The following TTLL5 variants were observed in gnomAD, a reference collection of about 807,000 sequenced individuals.
TTLL5 encodes tubulin tyrosine ligase like 5, also known as tubulin polyglutamylase TTLL5.
Under a neutral mutation model 168.4 loss-of-function variants are expected in TTLL5, and 132 were observed. The observed-to-expected ratio is 0.78, with a 90% CI of 0.68 to 0.91. The LOEUF (loss-of-function observed/expected upper bound fraction) is 0.91, where lower values mean the gene tolerates loss of function less well. TTLL5 is among the 40% of genes least tolerant of loss of function. The pLI is 0.00. For synonymous variants in TTLL5, 546 were observed against 558.6 expected (o/e 0.98, Z 0.32); for missense variants, 1,545 against 1,581.5 (o/e 0.98, Z 0.39).
intron 30 of TTLL5, among the ~76,000 whole-genome samples, chr14:75,894,887 CTT>C (rs2032576836): frequency 6.6e-6 from 1 of 152,066 alleles, no homozygotes; most frequent in African/African-American, 2.4e-5. Flanking sequence ...CTTGTATGCA[CTT>C]AACATCATAA....
chr14:75,737,472 T>C, intron 15 of TTLL5: 1 of 1,311,268 alleles, frequency 7.6e-7, no homozygotes, highest in Non-Finnish European at 1.0e-6. Context: ...TTGGAGATTA[T>C]TTTTTCCTTT....
At chr14:75,769,113 T>A (rs1333530838) in intron 20 of TTLL5, among the ~76,000 whole-genome samples, 2 of 152,216 alleles carry the variant, frequency 1.3e-5, no homozygotes, top group Non-Finnish European at 2.9e-5. Context: ...GCAATAACAT[T>A]CTGCTTAGTT....
At chr14:75,937,931 A>G (rs1488583120) in intron 31 of TTLL5, among the ~76,000 whole-genome samples, 1 of 152,176 alleles carries the variant, frequency 6.6e-6, no homozygotes, top group Non-Finnish European at 1.5e-5. Flanking sequence ...AGGAACCACC[A>G]TCCTGCTTTC....
intron 28 of TTLL5, among the ~76,000 whole-genome samples, chr14:75,833,949 G>A (rs1211929280): frequency 1.3e-5 from 2 of 152,160 alleles, no homozygotes; most frequent in African/African-American, 4.8e-5. Context: ...CCCAGATAGA[G>A]GCATGTTCAT....
At chr14:75,696,573 T>C (rs1380898124) in intron 6 of TTLL5, among the ~76,000 whole-genome samples, 2 of 152,252 alleles carry the variant, frequency 1.3e-5, no homozygotes, top group East Asian at 1.9e-4. Flanking sequence ...TTTTTTGTCA[T>C]ATATAACTAT....
chr14:75,829,782 G>A (rs1895461095), intron 28 of TTLL5, among the ~76,000 whole-genome samples: 1 of 152,156 alleles, frequency 6.6e-6, no homozygotes, highest in Non-Finnish European at 1.5e-5. Flanking sequence ...AGATATTTAA[G>A]GTATTTGCAG....
At chr14:75,878,990 TAA>T (rs61124448) in intron 29 of TTLL5, among the ~76,000 whole-genome samples, 2 of 152,122 alleles carry the variant, frequency 1.3e-5, no homozygotes, top group African/African-American at 2.4e-5. Flanking sequence ...TAGTTTTTGC[TAA>T]AAAAAAGATG....
chr14:75,919,742 A>G (rs1447919804), intron 31 of TTLL5, among the ~76,000 whole-genome samples: 2 of 152,226 alleles, frequency 1.3e-5, no homozygotes, highest in East Asian at 3.8e-4. Context: ...CTGTGATACC[A>G]AAAAGTACAA....
chr14:75,691,129 A>G (rs1885431697), intron 6 of TTLL5, among the ~76,000 whole-genome samples: 1 of 152,208 alleles, frequency 6.6e-6, no homozygotes, highest in African/African-American at 2.4e-5. Context: ...AGTTCAGACT[A>G]ATAAAAAAAA....
At chr14:75,909,312 A>G (rs1467502871) in intron 31 of TTLL5, among the ~76,000 whole-genome samples, 2 of 147,608 alleles carry the variant, frequency 1.4e-5, no homozygotes, top group African/African-American at 2.5e-5. Context: ...GTACCAGGCA[A>G]CTAGATACCA....
At chr14:75,952,936 ATG>A (rs2035007025) in intron 31 of TTLL5, among the ~76,000 whole-genome samples, 1 of 152,216 alleles carries the variant, frequency 6.6e-6, no homozygotes, top group Admixed American at 6.5e-5. Flanking sequence ...AAAATTGACT[ATG>A]ATGACGGATG....
chr14:75,826,398 G>T (rs1312803161), intron 28 of TTLL5, among the ~76,000 whole-genome samples: 1 of 150,020 alleles, frequency 6.7e-6, no homozygotes, highest in Non-Finnish European at 1.5e-5. Flanking sequence ...ACATAAAAAT[G>T]GTTATGATGG....
chr14:75,729,647 T>G (rs1197377292), intron 12 of TTLL5, among the ~76,000 whole-genome samples: 1 of 152,142 alleles, frequency 6.6e-6, no homozygotes, highest in African/African-American at 2.4e-5. Flanking sequence ...CAATATATAT[T>G]TCTTCTCCAA....
At chr14:75,788,315 G>A (rs1377565639) in intron 26 of TTLL5, among the ~76,000 whole-genome samples, 2 of 151,832 alleles carry the variant, frequency 1.3e-5, no homozygotes, top group Non-Finnish European at 2.9e-5. Context: ...CACAGTAGAG[G>A]GTGGCAAAGC....
chr14:75,687,170 G>A (rs557967874), intron 5 of TTLL5, among the ~76,000 whole-genome samples: 19 of 152,266 alleles, frequency 1.2e-4, no homozygotes, highest in African/African-American at 4.6e-4. Context: ...AAAACTTATA[G>A]AAGAAAACAT....
intron 29 of TTLL5, among the ~76,000 whole-genome samples, chr14:75,869,819 G>GTTTTTTTTTTTT (rs1232447597): frequency 1.7e-3 from 31 of 18,386 alleles, no homozygotes; most frequent in East Asian, 3.8e-3. Context: ...CATTCAACAA[G>GTTTTTTTTTTTT]TATTTTTTTT....
chr14:75,926,156 CTTTTTTTTTTTTTTTTTTT>C (rs34048806), intron 31 of TTLL5, among the ~76,000 whole-genome samples: 1 of 29,952 alleles, frequency 3.3e-5, no homozygotes, highest in Admixed American at 5.9e-4. Context: ...GCAACCCCAG[CTTTTTTTTTTTTTTTTTTT>C]TTTTTTTTTG....
intron 26 of TTLL5, among the ~76,000 whole-genome samples, chr14:75,785,755 T>G (rs1270277063): frequency 6.6e-6 from 1 of 151,958 alleles, no homozygotes; most frequent in Non-Finnish European, 1.5e-5. Context: ...AATATCACAT[T>G]GTCTTGATTG....
At chr14:75,907,157 A>G (rs1338023604) in intron 31 of TTLL5, among the ~76,000 whole-genome samples, 1 of 152,126 alleles carries the variant, frequency 6.6e-6, no homozygotes, top group Non-Finnish European at 1.5e-5. Context: ...TTTTTTTTCA[A>G]ATTTTGGTGA....
Sources: allele counts gnomAD v4.1 joint callset (sites outside exome capture counted in the v4.1 genomes callset), GRCh38; gene constraint gnomAD v4.1.1; transcripts MANE v1.5; gene names NCBI Gene and HGNC (gene_info 2026-07-23, HGNC 2026-07-21).